The following UTRN variants were observed in gnomAD, a reference collection of about 807,000 sequenced individuals.
The protein encoded by UTRN is utrophin.
Under a neutral mutation model 463.9 loss-of-function variants are expected in UTRN, and 283 were observed. The observed-to-expected ratio is 0.61, with a 90% CI of 0.55 to 0.67. UTRN has a LOEUF of 0.67. Among genes scored for constraint, UTRN ranks in the 30% least tolerant of loss-of-function variants. The pLI is 0.00. For missense variants in UTRN, 3,922 were observed against 4,084.3 expected (o/e 0.96, Z 1.08); for synonymous variants, 1,442 against 1,431.5 (o/e 1.01, Z -0.17).
intron 2 of UTRN, among the ~76,000 whole-genome samples, chr6:144,308,073 T>A (rs1805911062): frequency 6.6e-6 from 1 of 152,140 alleles, no homozygotes; most frequent in Non-Finnish European, 1.5e-5. Context: ...TCGGATTGCA[T>A]CACCAACTCA....
At chr6:144,680,723 T>C (rs1029346116) in intron 52 of UTRN, among the ~76,000 whole-genome samples, 1 of 152,096 alleles carries the variant, frequency 6.6e-6, no homozygotes, top group Admixed American at 6.6e-5. Flanking sequence ...ATAAAAGAGG[T>C]CATTCCTTAG....
At chr6:144,752,490 G>A (rs145568352) in intron 56 of UTRN, among the ~76,000 whole-genome samples, 1,762 of 152,112 alleles carry the variant, frequency 0.012, 24 homozygotes, top group Middle Eastern at 0.051. Context: ...TTTTGATGTA[G>A]CACATAAAAA....
At chr6:144,475,639 A>C (rs1208215677) in intron 25 of UTRN, among the ~76,000 whole-genome samples, 5 of 152,114 alleles carry the variant, frequency 3.3e-5, no homozygotes, top group African/African-American at 4.8e-5. Flanking sequence ...TTTTAGCAAC[A>C]GTATCTTGTT....
Position 144,436,121 on chromosome 6 carries a change from C to G in UTRN, c.1042C>G (p.Gln348Glu). The G allele has an allele frequency of 6.2e-7, 1 of 1,613,820 alleles. No individual in the cohort carries two copies. Among genetic ancestry groups the G allele is most frequent in the South Asian group, 1.1e-5 (1 of 91,068 alleles). Residue 348 changes from glutamine to glutamate, a missense_variant, in exon 10 of 75, where the codon CAG (glutamine) becomes GAG (glutamate). By Grantham distance (29) the Gln-to-Glu change is conservative. Around this residue, in one of 3 missense-constraint regions of UTRN, gnomAD observed 2,349 missense variants for 2,303.8 expected, o/e 1.02. Coordinates refer to ENST00000367545, the MANE Select transcript of UTRN (RefSeq NM_007124.3). ...ISDDVEEVKD[Q>E]FATHEAFMME... ...TGATGATGTTGAAGAAGTCAAAGAC[C>G]AGTTTGCAACCCATGAAGTAAATAT...
intron 69 of UTRN, among the ~76,000 whole-genome samples, chr6:144,829,526 C>T (rs1255656068): frequency 2.0e-5 from 3 of 151,964 alleles, no homozygotes; most frequent in Non-Finnish European, 4.4e-5. Flanking sequence ...TGTACTCTTA[C>T]TTTTGGAACT....
intron 66 of UTRN, among the ~76,000 whole-genome samples, chr6:144,824,770 T>TC (rs1780016826): frequency 8.7e-6 from 1 of 114,660 alleles, no homozygotes; most frequent in Non-Finnish European, 1.7e-5. Context: ...GTGAAGTTGG[T>TC]GGTGGGGGGG....
At chr6:144,485,669 G>C (rs1411770261) in intron 28 of UTRN, 150 bp downstream of exon 28, 1 of 1,179,466 alleles carries the variant, frequency 8.5e-7, no homozygotes, top group Admixed American at 2.7e-5. Flanking sequence ...ATAGCCTGAA[G>C]TGTTTATACA....
rs759108839 is a variant in UTRN at position 144,440,491 on chromosome 6, G to A, written c.1512+20G>A. The A allele has an allele frequency of 2.5e-6, 4 of 1,613,784 alleles. No homozygotes were observed. The African/African-American group carries it at 5.3e-5, about 22-fold the overall frequency. Reference sequence around the variant, plus strand: ...TTACAGGTAAGAGTGCTGTAAAGTTGGATAATCCTGAGGGACCTGTGGTCT... The same window carrying A: ...TTACAGGTAAGAGTGCTGTAAAGTTAGATAATCCTGAGGGACCTGTGGTCT... On this transcript the variant is annotated intron_variant, in intron 13 of 74. Transcript: ENST00000367545.
Position 144,444,329 on chromosome 6 carries a change from TG to T in UTRN, c.1563del (p.Trp521Ter). On this transcript the variant is annotated frameshift_variant, in exon 14 of 75. Coordinates refer to ENST00000367545, the MANE Select transcript of UTRN (RefSeq NM_007124.3). LOFTEE classifies it high-confidence loss of function. ...AGTATGCCGTTGGACTGAAGAACGCTGGAATAGGTTACAAGAAATCAATATA... is the reference window on the plus strand; with the variant it reads ...AGTATGCCGTTGGACTGAAGAACGCTGAATAGGTTACAAGAAATCAATATA... ...TAVCRWTEER[W>X]NRLQEINILW... 6.2e-7 allele frequency: 1 copy of T among 1,611,704 alleles called. No individual in the cohort carries two copies.
chr6:144,838,877 AACT>A (rs1276514733), intron 71 of UTRN, among the ~76,000 whole-genome samples: 2 of 152,210 alleles, frequency 1.3e-5, no homozygotes, highest in Non-Finnish European at 2.9e-5. Flanking sequence ...AATATGAGTG[AACT>A]ATGCTTATGA....
intron 3 of UTRN, among the ~76,000 whole-genome samples, chr6:144,404,165 T>C (rs563516793): frequency 5.4e-4 from 83 of 152,306 alleles, no homozygotes; most frequent in Non-Finnish European, 1.0e-3. Context: ...CTTTTTGGGC[T>C]TTGCGAGTTT....
chr6:144,499,503 A>G lies in UTRN; in HGVS notation c.4764+76A>G, dbSNP rs982857685. On this transcript the variant is annotated intron_variant, in intron 34 of 74. Coordinates refer to ENST00000367545, the MANE Select transcript of UTRN (RefSeq NM_007124.3). ...ATTTGTTCGGGCGACCTGGTTGGAT[A>G]CCATGTCCCTCCATTTTATATTAAA... 40 of 1,293,164 alleles carry G rather than the reference A, an allele frequency of 3.1e-5. No individual in the cohort carries two copies. The African/African-American group carries it at 5.3e-4, about 17-fold the overall frequency. 80.1% of individuals were successfully genotyped at this position (1,293,164 alleles called of 1,614,324 possible). A position where few individuals can be genotyped will look rare whatever the true frequency, so the allele number is the denominator to read the frequency against.
Position 144,322,812 on chromosome 6 carries a change from G to A in UTRN, c.79+30905G>A, listed in dbSNP as rs562141940. Among the ~76,000 whole-genome samples the A allele has an allele frequency of 1.5e-3, 224 of 152,076 alleles. 1 individual carries two copies. The highest frequency in any genetic ancestry group is 5.2e-3 in the African/African-American group (214 of 41,486). ...TAAAAAATTAGCCAGGCGTGGTGGC[G>A]GGCTCCTGTAGTCCCAGCTACTCGG... On this transcript the variant is annotated intron_variant, in intron 2 of 74. Transcript: ENST00000367545.
At chr6:144,492,169 C>A (rs913504549) in intron 32 of UTRN, among the ~76,000 whole-genome samples, 1 of 152,058 alleles carries the variant, frequency 6.6e-6, no homozygotes, top group African/African-American at 2.4e-5. Context: ...AGCTCTTGCC[C>A]CTTTCCTCCT....
chr6:144,616,160 T>A (rs1806068352), intron 51 of UTRN, among the ~76,000 whole-genome samples: 1 of 152,218 alleles, frequency 6.6e-6, no homozygotes. Flanking sequence ...TTTAATTCAG[T>A]TACTCTGAAT....
At position 144,487,565 on chromosome 6, in the gene UTRN, G is replaced by C; in HGVS notation, c.3840G>C (p.Leu1280=). The C allele has an allele frequency of 2.5e-6, 4 of 1,609,328 alleles. No homozygotes were observed. Among genetic ancestry groups the C allele is most frequent in the Non-Finnish European group, 3.4e-6 (4 of 1,177,486 alleles). ...CATTCCAGTCTCTGGAATCTGTTCT[G>C]CGCCACCCGGCAGATAATCGCACCC... ...NEALESLESV[L]RHPADNRTQI... is the part of the protein sequence containing the mutation. The change falls in exon 29 of 75, where the codon CTG becomes CTC. Residue 1280 remains leucine (L), a synonymous_variant. Coordinates refer to ENST00000367545, the MANE Select transcript of UTRN (RefSeq NM_007124.3).
chr6:144,777,822 T>C (rs1165565107), intron 60 of UTRN, among the ~76,000 whole-genome samples: 1 of 152,196 alleles, frequency 6.6e-6, no homozygotes, highest in East Asian at 1.9e-4. Context: ...GGGAAGGAGT[T>C]ATCTGTGTGA....
At chr6:144,717,639 T>C (rs1404275083) in intron 53 of UTRN, among the ~76,000 whole-genome samples, 11 of 141,016 alleles carry the variant, frequency 7.8e-5, no homozygotes, top group Admixed American at 1.4e-4. Flanking sequence ...TTTTTCTTTT[T>C]TTTTTTTTTT....
chr6:144,367,334 T>TAA (rs10565161), intron 2 of UTRN, among the ~76,000 whole-genome samples: 1 of 147,164 alleles, frequency 6.8e-6, no homozygotes, highest in African/African-American at 2.5e-5. Flanking sequence ...AAGGATTTGT[T>TAA]AAAAAAAAAA....
Sources: gnomAD v4.1 joint callset for allele counts (sites outside exome capture counted in the v4.1 genomes callset) on GRCh38, gnomAD v4.1.1 for gene constraint, gnomAD v4.1.1 regional missense constraint, MANE v1.5 for transcripts, NCBI Gene and HGNC (gene_info 2026-07-23, HGNC 2026-07-21) for gene names.